The following RGS6 variants were observed in gnomAD, a reference collection of about 807,000 sequenced individuals.
RGS6 encodes regulator of G-protein signaling 6.
In RGS6, 30 loss-of-function variants were observed where a neutral mutation model predicts 78.5. The observed-to-expected ratio is 0.38, with a 90% CI of 0.29 to 0.52. The LOEUF (loss-of-function observed/expected upper bound fraction) is 0.52, where lower values mean the gene tolerates loss of function less well. Ranked by LOEUF, RGS6 falls within the 20% of genes least tolerant of loss-of-function variation. The pLI is 0.85. For synonymous variants in RGS6, 206 were observed against 206.0 expected (o/e 1.00, Z 0.00); for missense variants, 495 against 609.7 (o/e 0.81, Z 1.98).
intron 2 of RGS6, among the ~76,000 whole-genome samples, chr14:71,994,998 G>A (rs758706673): frequency 6.6e-6 from 1 of 152,136 alleles, no homozygotes; most frequent in East Asian, 1.9e-4. Context: ...ATGTGGAACT[G>A]GGGGCTGAGG....
At chr14:72,446,756 G>A (rs533876880) in intron 3 of RGS6, among the ~76,000 whole-genome samples, 1 of 152,312 alleles carries the variant, frequency 6.6e-6, no homozygotes, top group Non-Finnish European at 1.5e-5. Context: ...GGGGTGATGG[G>A]AGACAGGAAC....
At chr14:72,149,108 C>G (rs988718140) in intron 2 of RGS6, among the ~76,000 whole-genome samples, 1 of 152,146 alleles carries the variant, frequency 6.6e-6, no homozygotes, top group Non-Finnish European at 1.5e-5. Context: ...GGCTGTTGGC[C>G]GAACTTGAGC....
chr14:72,035,093 G>A (rs1256969581), intron 2 of RGS6, among the ~76,000 whole-genome samples: 1 of 152,004 alleles, frequency 6.6e-6, no homozygotes, highest in Non-Finnish European at 1.5e-5. Flanking sequence ...GAAAATACAT[G>A]GCATATAGAG....
intron 3 of RGS6, among the ~76,000 whole-genome samples, chr14:72,409,551 G>A (rs544921265): frequency 6.7e-6 from 1 of 150,364 alleles, no homozygotes; most frequent in African/African-American, 2.4e-5. Flanking sequence ...AGTGGCAACT[G>A]CCTATTTTTT....
the RGS6 span, among the ~76,000 whole-genome samples, chr14:72,624,598 C>CA: frequency 6.6e-6 from 1 of 152,230 alleles, no homozygotes; most frequent in Non-Finnish European, 1.5e-5. Context: ...CTCAGCCTCC[C>CA]AAAGTGCTGG....
upstream of RGS6, among the ~76,000 whole-genome samples, chr14:71,932,169 G>A (rs2087921193): frequency 6.6e-6 from 1 of 152,230 alleles, no homozygotes; most frequent in African/African-American, 2.4e-5. Context: ...TGAGGATGAG[G>A]CATTTCTAGG....
chr14:72,594,822 C>A, the RGS6 span: 1 of 152,102 alleles, frequency 6.6e-6, no homozygotes, highest in Non-Finnish European at 1.5e-5. Context: ...GTTGCTTTCT[C>A]GGGTGAGGGA....
At chr14:72,057,313 G>GGAAAAA (rs1344219538) in intron 2 of RGS6, among the ~76,000 whole-genome samples, 1 of 56,174 alleles carries the variant, frequency 1.8e-5, no homozygotes, top group African/African-American at 7.4e-5. Context: ...GACTCTATCT[G>GGAAAAA]AAAAAAAAAA....
At chr14:72,354,619 G>A (rs1470013726) in intron 3 of RGS6, among the ~76,000 whole-genome samples, 1 of 151,964 alleles carries the variant, frequency 6.6e-6, no homozygotes. Context: ...AACAGAGTGA[G>A]ACTCCATCTC....
intron 17 of RGS6, among the ~76,000 whole-genome samples, chr14:72,545,177 A>G (rs2239222): frequency 0.43 from 64,843 of 152,212 alleles, 14,417 homozygotes; most frequent in African/African-American, 0.55. Flanking sequence ...TATTGCAAAC[A>G]GTCCTTGGAC....
At chr14:72,015,304 T>TTAC (rs2086709914) in intron 2 of RGS6, among the ~76,000 whole-genome samples, 2 of 152,336 alleles carry the variant, frequency 1.3e-5, no homozygotes, top group Admixed American at 1.3e-4. Flanking sequence ...AATTAACTCA[T>TTAC]TACTGCAAGG....
chr14:72,583,142 G>A, the RGS6 span, among the ~76,000 whole-genome samples: 1 of 152,104 alleles, frequency 6.6e-6, no homozygotes, highest in Non-Finnish European at 1.5e-5. Context: ...AGTCCCCCGG[G>A]TCTCAGGCCG....
At chr14:72,562,249 G>A (rs2097686179) in intron 17 of RGS6, among the ~76,000 whole-genome samples, 168 bp from the exon 18 acceptor site, 1 of 152,230 alleles carries the variant, frequency 6.6e-6, no homozygotes, top group Admixed American at 6.5e-5. Context: ...GCTGTCCAAA[G>A]TTAAGGCTCC....
chr14:72,453,524 G>A (rs1475991063), intron 3 of RGS6, among the ~76,000 whole-genome samples: 8 of 142,606 alleles, frequency 5.6e-5, no homozygotes, highest in South Asian at 2.2e-4. Flanking sequence ...GCTGAGGCAG[G>A]AGAATGGCGT....
At chr14:71,970,910 A>G (rs1294538142) in intron 2 of RGS6, among the ~76,000 whole-genome samples, 1 of 152,306 alleles carries the variant, frequency 6.6e-6, no homozygotes, top group Admixed American at 6.5e-5. Flanking sequence ...ACCTGCTTCG[A>G]TTCTTGAAAG....
intron 3 of RGS6, among the ~76,000 whole-genome samples, chr14:72,413,700 G>A: frequency 6.6e-6 from 1 of 152,160 alleles, no homozygotes; most frequent in Non-Finnish European, 1.5e-5. Context: ...TGCAGTGGCT[G>A]GTACTGCGGT....
intron 2 of RGS6, among the ~76,000 whole-genome samples, chr14:72,065,797 G>C (rs1315333609): frequency 8.6e-5 from 13 of 151,078 alleles, no homozygotes; most frequent in Non-Finnish European, 2.9e-5. Context: ...TATACTTTAA[G>C]TTTTAGGGTA....
At chr14:72,094,319 A>C (rs527291445) in intron 2 of RGS6, among the ~76,000 whole-genome samples, 1 of 152,186 alleles carries the variant, frequency 6.6e-6, no homozygotes, top group East Asian at 1.9e-4. Flanking sequence ...AATGGTTTTC[A>C]TATTGTTCTA....
chr14:72,441,972 G>A (rs759031305), intron 3 of RGS6, among the ~76,000 whole-genome samples: 3 of 152,212 alleles, frequency 2.0e-5, no homozygotes, highest in Non-Finnish European at 4.4e-5. Flanking sequence ...CACTCATAGC[G>A]ATGCTGGAAT....
Sources: gnomAD v4.1 joint callset for allele counts (sites outside exome capture counted in the v4.1 genomes callset) on GRCh38, gnomAD v4.1.1 for gene constraint, MANE v1.5 for transcripts, NCBI Gene and HGNC (gene_info 2026-07-23, HGNC 2026-07-21) for gene names.